The following CCBE1 variants were observed in gnomAD, a reference collection of about 807,000 sequenced individuals.
CCBE1 encodes the protein collagen and calcium-binding EGF domain-containing protein 1.
CCBE1 carries 37 observed loss-of-function variants against 50.0 expected under a neutral mutation model. The ratio of observed to expected loss-of-function variants is 0.74; its 90% CI spans 0.57 to 0.97. The LOEUF (loss-of-function observed/expected upper bound fraction) is 0.97, where lower values mean the gene tolerates loss of function less well. CCBE1 is among the 50% of genes least tolerant of loss of function. The probability of loss-of-function intolerance (pLI) is 0.00; values close to 1 mark genes in which losing one functional copy is unlikely to be tolerated. For synonymous variants in CCBE1, 234 were observed against 203.7 expected (o/e 1.15, Z -1.27); for missense variants, 538 against 523.8 (o/e 1.03, Z -0.26).
chr18:59,686,368 T>C (rs1204395582), intron 2 of CCBE1, among the ~76,000 whole-genome samples: 1 of 152,220 alleles, frequency 6.6e-6, no homozygotes, highest in Non-Finnish European at 1.5e-5. Flanking sequence ...GTAACCACAA[T>C]TGTCAGGCCA....
intron 2 of CCBE1, among the ~76,000 whole-genome samples, chr18:59,580,004 C>A (rs1214793999): frequency 6.6e-6 from 1 of 152,152 alleles, no homozygotes; most frequent in Non-Finnish European, 1.5e-5. Context: ...CAAATCACAT[C>A]TGATTCGAAT....
chr18:59,658,891 A>AC (rs1446727314), intron 2 of CCBE1, among the ~76,000 whole-genome samples: 33 of 150,958 alleles, frequency 2.2e-4, no homozygotes, highest in Admixed American at 2.0e-3. Flanking sequence ...AAAAAAAAAA[A>AC]AAAAAAAAAA....
In CCBE1 at chr18:59,466,787, C is replaced by G. The variant is rs779047579; in HGVS notation, c.505G>C (p.Asp169His). Residue 169 changes from aspartate to histidine, a missense_variant, in exon 5 of 11, where the codon GAT becomes CAT. Coordinates refer to ENST00000439986, the MANE Select transcript of CCBE1 (RefSeq NM_133459.4). ...CECREGYIRE[D>H]DGKTCTRGDK... is the part of the protein sequence containing the mutation. Reference sequence around the variant, plus strand: ...CCCCTGGTACATGTCTTCCCATCATCTTCCCGGATGTAGCCTTCCCGGCAC... The same window carrying G: ...CCCCTGGTACATGTCTTCCCATCATGTTCCCGGATGTAGCCTTCCCGGCAC... 6.2e-7 allele frequency: 1 copy of G among 1,613,842 alleles called. No individual in the cohort carries two copies. The highest frequency in any genetic ancestry group is 8.5e-7 in the Non-Finnish European group (1 of 1,179,946).
intron 1 of CCBE1, 63 bp from the exon 2 acceptor site, chr18:59,696,772 G>T: frequency 1.9e-6 from 3 of 1,554,096 alleles, no homozygotes; most frequent in Non-Finnish European, 1.8e-6. Flanking sequence ...GGCAGCGCGC[G>T]CTGGGGAATC....
chr18:59,483,949 T>G (rs1912695816), intron 2 of CCBE1, among the ~76,000 whole-genome samples: 1 of 152,204 alleles, frequency 6.6e-6, no homozygotes. Context: ...ATGAATGATG[T>G]GTGGCAGTGT....
chr18:59,498,179 T>C (rs1477152815), intron 2 of CCBE1, among the ~76,000 whole-genome samples: 1 of 151,616 alleles, frequency 6.6e-6, no homozygotes, highest in Non-Finnish European at 1.5e-5. Context: ...GGCATTTCTG[T>C]TCTTTGCAAC....
chr18:59,468,565 C>T (rs1299282546), intron 4 of CCBE1, among the ~76,000 whole-genome samples: 1 of 152,130 alleles, frequency 6.6e-6, no homozygotes, highest in Non-Finnish European at 1.5e-5. Flanking sequence ...GGCACCATTC[C>T]CAAATGCCGA....
intron 7 of CCBE1, among the ~76,000 whole-genome samples, chr18:59,447,541 G>A (rs541824797): frequency 4.6e-5 from 7 of 152,196 alleles, no homozygotes; most frequent in East Asian, 1.9e-4. Flanking sequence ...ATAAATATGC[G>A]AACAAATAAG....
At chr18:59,627,951 G>C (rs965387252) in intron 2 of CCBE1, among the ~76,000 whole-genome samples, 2 of 152,154 alleles carry the variant, frequency 1.3e-5, no homozygotes. Flanking sequence ...AGTGGCTCAC[G>C]CCCACAATCC....
At chr18:59,615,661 C>A (rs2144593127) in intron 2 of CCBE1, among the ~76,000 whole-genome samples, 1 of 152,274 alleles carries the variant, frequency 6.6e-6, no homozygotes, top group South Asian at 2.1e-4. Flanking sequence ...TGATACTTGG[C>A]ATATAGTTTA....
At chr18:59,563,693 G>A (rs2052776465) in intron 2 of CCBE1, 1 of 152,188 alleles carries the variant, frequency 6.6e-6, no homozygotes, top group Non-Finnish European at 1.5e-5. Context: ...TGCCACTGAG[G>A]TCATAAAAGA....
chr18:59,491,839 A>T (rs75491232), intron 2 of CCBE1, among the ~76,000 whole-genome samples: 1 of 16,318 alleles, frequency 6.1e-5, no homozygotes, highest in Non-Finnish European at 1.3e-4. Flanking sequence ...AACAAACAAA[A>T]AAAAACGTTT....
chr18:59,453,459 G>A (rs888721646), intron 6 of CCBE1, among the ~76,000 whole-genome samples: 1 of 151,992 alleles, frequency 6.6e-6, no homozygotes, highest in Non-Finnish European at 1.5e-5. Context: ...AGCTATTTAG[G>A]GTTAAATCTA....
At chr18:59,451,889 C>A (rs187362844) in intron 6 of CCBE1, among the ~76,000 whole-genome samples, 1 of 152,300 alleles carries the variant, frequency 6.6e-6, no homozygotes, top group East Asian at 1.9e-4. Flanking sequence ...AGACCCCCTC[C>A]TTCCACGTGC....
chr18:59,509,549 A>G (rs1914038462), intron 2 of CCBE1, among the ~76,000 whole-genome samples: 1 of 152,230 alleles, frequency 6.6e-6, no homozygotes, highest in African/African-American at 2.4e-5. Flanking sequence ...TAAAAAAGGA[A>G]AAACAAGAAA....
intron 2 of CCBE1, among the ~76,000 whole-genome samples, chr18:59,594,917 G>T (rs928808227): frequency 6.6e-6 from 1 of 151,972 alleles, no homozygotes; most frequent in Non-Finnish European, 1.5e-5. Context: ...AACAAGATCA[G>T]CCTGATCAAC....
chr18:59,510,563 AG>A (rs1203081985), intron 2 of CCBE1, among the ~76,000 whole-genome samples: 1 of 152,092 alleles, frequency 6.6e-6, no homozygotes, highest in Non-Finnish European at 1.5e-5. Context: ...CTGGGATTAT[AG>A]GTGCCCGCCA....
intron 2 of CCBE1, among the ~76,000 whole-genome samples, chr18:59,545,160 G>A (rs535970929): frequency 2.0e-5 from 3 of 152,238 alleles, no homozygotes; most frequent in African/African-American, 7.2e-5. Flanking sequence ...AGGTATCCAC[G>A]GACCTTCCTG....
intron 2 of CCBE1, among the ~76,000 whole-genome samples, chr18:59,627,594 T>A (rs2053802300): frequency 6.6e-6 from 1 of 152,130 alleles, no homozygotes; most frequent in Admixed American, 6.5e-5. Flanking sequence ...AATAGTGTCA[T>A]AAGGAGGAAA....
Sources: allele counts gnomAD v4.1 joint callset (sites outside exome capture counted in the v4.1 genomes callset), GRCh38; gene constraint gnomAD v4.1.1; transcripts MANE v1.5; gene names NCBI Gene and HGNC (gene_info 2026-07-23, HGNC 2026-07-21).